Variants in FYN observed in about 807,000 individuals in gnomAD.
FYN encodes the protein FYN proto-oncogene, Src family tyrosine kinase, also known as tyrosine-protein kinase Fyn.
In FYN, 10 loss-of-function variants were observed where a neutral mutation model predicts 70.2. That is an observed-to-expected ratio of 0.14 (90% CI 0.09 to 0.24). FYN has a LOEUF of 0.24. Among genes scored for constraint, FYN ranks in the 10% least tolerant of loss-of-function variants. FYN has a pLI of 1.00. For missense variants in FYN, 319 were observed against 673.1 expected (o/e 0.47, Z 5.82); for synonymous variants, 236 against 248.6 (o/e 0.95, Z 0.48).
At chr6:111,687,587 C>T (rs1160885599) in intron 12 of FYN, among the ~76,000 whole-genome samples, 2 of 124,976 alleles carry the variant, frequency 1.6e-5, no homozygotes, top group Non-Finnish European at 3.2e-5. Flanking sequence ...ATCAGGAAAA[C>T]CCAAAGTGGG....
intron 2 of FYN, among the ~76,000 whole-genome samples, chr6:111,802,830 G>A (rs1186843020): frequency 1.3e-5 from 2 of 152,014 alleles, no homozygotes. Flanking sequence ...TTCCTTTGTG[G>A]GACAGGAACG....
At chr6:111,826,559 C>T (rs1282145235) in intron 2 of FYN, among the ~76,000 whole-genome samples, 1 of 152,066 alleles carries the variant, frequency 6.6e-6, no homozygotes, top group Non-Finnish European at 1.5e-5. Context: ...GATTTATAGC[C>T]CCCACTCCCT....
intron 1 of FYN, among the ~76,000 whole-genome samples, chr6:111,870,807 T>C (rs550085584): frequency 6.6e-6 from 1 of 152,192 alleles, no homozygotes; most frequent in Admixed American, 6.5e-5. Context: ...GAAAGCAGAG[T>C]GTGCATTTGC....
chr6:111,704,263 A>G (rs1338748195), intron 6 of FYN, among the ~76,000 whole-genome samples, 161 bp from the exon 7 acceptor site: 1 of 151,902 alleles, frequency 6.6e-6, no homozygotes, highest in Non-Finnish European at 1.5e-5. Flanking sequence ...TTCCTTTTCA[A>G]TCTATCCTGG....
intron 2 of FYN, among the ~76,000 whole-genome samples, chr6:111,834,603 T>C (rs1773119476): frequency 1.3e-5 from 2 of 152,186 alleles, no homozygotes; most frequent in South Asian, 4.1e-4. Flanking sequence ...AGCAGGGATG[T>C]ACAGAAGGTG....
At chr6:111,811,085 T>C (rs981492195) in intron 2 of FYN, among the ~76,000 whole-genome samples, 1 of 152,204 alleles carries the variant, frequency 6.6e-6, no homozygotes, top group African/African-American at 2.4e-5. Context: ...AGCTGATATA[T>C]GTGGCAAACA....
intron 3 of FYN, among the ~76,000 whole-genome samples, chr6:111,765,475 A>G (rs75669690): frequency 0.012 from 1,782 of 152,248 alleles, 48 homozygotes; most frequent in African/African-American, 0.041. Context: ...CCCTGCCTGC[A>G]CCATGAACTT....
intron 3 of FYN, among the ~76,000 whole-genome samples, chr6:111,767,650 T>C (rs1042996593): frequency 9.2e-5 from 14 of 152,322 alleles, no homozygotes; most frequent in African/African-American, 3.1e-4. Context: ...TCCACCCACC[T>C]TGGCCTCCCA....
intron 3 of FYN, among the ~76,000 whole-genome samples, chr6:111,755,846 T>C (rs1490458524): frequency 6.6e-6 from 1 of 152,166 alleles, no homozygotes; most frequent in Non-Finnish European, 1.5e-5. Context: ...AAATACTCCA[T>C]ATTAGAATAT....
At chr6:111,799,354 A>C (rs1258424422) in intron 2 of FYN, among the ~76,000 whole-genome samples, 4 of 152,214 alleles carry the variant, frequency 2.6e-5, no homozygotes, top group Non-Finnish European at 5.9e-5. Context: ...TGTAAAAATT[A>C]GAAGATGAGG....
chr6:111,749,165 A>T (rs964213066), intron 3 of FYN, among the ~76,000 whole-genome samples: 8 of 152,224 alleles, frequency 5.3e-5, no homozygotes, highest in Non-Finnish European at 1.0e-4. Flanking sequence ...AATCTGTGGC[A>T]AATTCCTTAG....
At chr6:111,696,581 A>C (rs1203423851) in intron 9 of FYN, 125 bp from the exon 10 acceptor site, 2 of 694,070 alleles carry the variant, frequency 2.9e-6, no homozygotes, top group Non-Finnish European at 4.4e-6. Context: ...GTTTTTGTTG[A>C]ACAAAGACAT....
intron 2 of FYN, among the ~76,000 whole-genome samples, chr6:111,838,483 A>G (rs1458396712): frequency 3.9e-5 from 6 of 152,220 alleles, no homozygotes. Flanking sequence ...GGCCTCAGTG[A>G]CTGAATGGCC....
chr6:111,772,181 C>T (rs1317862180), intron 3 of FYN, among the ~76,000 whole-genome samples: 2 of 151,818 alleles, frequency 1.3e-5, no homozygotes, highest in African/African-American at 2.4e-5. Flanking sequence ...CTTCTTAACC[C>T]AAGGGCAAGA....
chr6:111,672,639 G>C (rs1197825249), intron 13 of FYN, among the ~76,000 whole-genome samples: 1 of 152,190 alleles, frequency 6.6e-6, no homozygotes, highest in Non-Finnish European at 1.5e-5. Context: ...CTATCTGACT[G>C]TAATATCCAT....
At chr6:111,837,386 G>C (rs1278411228) in intron 2 of FYN, among the ~76,000 whole-genome samples, 3 of 151,786 alleles carry the variant, frequency 2.0e-5, no homozygotes, top group Non-Finnish European at 2.9e-5. Context: ...ATATTCTAAA[G>C]ATGGACAAAA....
At chr6:111,828,344 A>G (rs1772904360) in intron 2 of FYN, among the ~76,000 whole-genome samples, 1 of 152,246 alleles carries the variant, frequency 6.6e-6, no homozygotes, top group Non-Finnish European at 1.5e-5. Flanking sequence ...TATGTTAAAC[A>G]ACAGTAGTTC....
Position 111,842,984 on chromosome 6 carries a change from T to C in FYN, c.-82+3605A>G, listed in dbSNP as rs564904819. Among the ~76,000 whole-genome samples, 295 of 152,374 alleles carry C rather than the reference T, an allele frequency of 1.9e-3. 2 individuals are homozygous for C. The highest frequency in any genetic ancestry group is 0.011 in the South Asian group (55 of 4,834). Reference sequence around the variant, plus strand: ...CAGGAGGTAATTTTTCTTTTTACTTTTCTTTTTGAATGACAATTTTTGTTT... The same window carrying C: ...CAGGAGGTAATTTTTCTTTTTACTTCTCTTTTTGAATGACAATTTTTGTTT... On this transcript the variant is annotated intron_variant, in intron 2 of 13. Coordinates refer to ENST00000354650, the MANE Select transcript of FYN (RefSeq NM_002037.5).
intron 5 of FYN, chr6:111,709,071 AC>A (rs751247311): frequency 2.0e-5 from 3 of 152,138 alleles, no homozygotes; most frequent in Non-Finnish European, 2.9e-5. Flanking sequence ...CCTGCAGTCA[AC>A]GACATGATTG....
Sources: allele counts gnomAD v4.1 joint callset (sites outside exome capture counted in the v4.1 genomes callset), GRCh38; gene constraint gnomAD v4.1.1; transcripts MANE v1.5; gene names NCBI Gene and HGNC (gene_info 2026-07-23, HGNC 2026-07-21).